Variants in MSRB3 observed in about 807,000 individuals in gnomAD.
MSRB3 encodes the protein methionine-R-sulfoxide reductase B3.
Under a neutral mutation model 21.0 loss-of-function variants are expected in MSRB3, and 13 were observed. That is an observed-to-expected ratio of 0.62 (90% CI 0.40 to 0.98). MSRB3 has a LOEUF of 0.98. Among genes scored for constraint, MSRB3 ranks in the 50% least tolerant of loss-of-function variants. The pLI, the probability that MSRB3 is intolerant of heterozygous loss-of-function variation, is 0.00. For missense variants in MSRB3, 199 were observed against 230.3 expected (o/e 0.86, Z 0.88); for synonymous variants, 87 against 88.6 (o/e 0.98, Z 0.10).
At chr12:65,460,951 C>A (rs998426377) in intron 6 of MSRB3, among the ~76,000 whole-genome samples, 2 of 152,040 alleles carry the variant, frequency 1.3e-5, no homozygotes, top group Non-Finnish European at 2.9e-5. Flanking sequence ...TCAAATATAT[C>A]CTCACTATGC....
intron 2 of MSRB3, among the ~76,000 whole-genome samples, chr12:65,317,557 A>T (rs552952839): frequency 1.3e-5 from 2 of 152,224 alleles, no homozygotes; most frequent in African/African-American, 4.8e-5. Flanking sequence ...ATAACATGTT[A>T]GCATTTTTTT....
intron 5 of MSRB3, among the ~76,000 whole-genome samples, chr12:65,447,717 T>A (rs1172436647): frequency 6.6e-6 from 1 of 152,124 alleles, no homozygotes; most frequent in Non-Finnish European, 1.5e-5. Context: ...TCTGCTGTAA[T>A]CGTTAGAGAA....
At chr12:65,360,179 G>GT (rs1877621510) in intron 4 of MSRB3, among the ~76,000 whole-genome samples, 1 of 152,042 alleles carries the variant, frequency 6.6e-6, no homozygotes, top group African/African-American at 2.4e-5. Context: ...CTTTAAAAAT[G>GT]TTTTTTCCAA....
intron 5 of MSRB3, among the ~76,000 whole-genome samples, chr12:65,387,960 T>C (rs1474524831): frequency 6.6e-6 from 1 of 152,168 alleles, no homozygotes; most frequent in Non-Finnish European, 1.5e-5. Flanking sequence ...ACAAAGAGTA[T>C]AAAAATATGA....
chr12:65,307,205 A>G (rs1592508524), intron 1 of MSRB3, among the ~76,000 whole-genome samples: 1 of 152,090 alleles, frequency 6.6e-6, no homozygotes, highest in Non-Finnish European at 1.5e-5. Flanking sequence ...TGACATGTTT[A>G]TTTATGTTTA....
At chr12:65,308,113 G>A (rs1431057646) in intron 1 of MSRB3, among the ~76,000 whole-genome samples, 4 of 152,126 alleles carry the variant, frequency 2.6e-5, no homozygotes. Flanking sequence ...GGACTTTTGA[G>A]TCACAGTTTC....
chr12:65,348,676 G>A (rs981245280), intron 4 of MSRB3, among the ~76,000 whole-genome samples: 3 of 152,146 alleles, frequency 2.0e-5, no homozygotes, highest in East Asian at 3.9e-4. Context: ...TAATTGTGAC[G>A]TTAGGGTGTC....
In MSRB3 at chr12:65,341,405, G is replaced by T. The variant is rs1207691805; in HGVS notation, c.263+12802G>T. Among the ~76,000 whole-genome samples, 3 of 152,050 alleles carry T rather than the reference G, an allele frequency of 2.0e-5. No individual in the cohort carries two copies. In the South Asian group the frequency reaches 6.2e-4, roughly 32 times the overall value. ...AGAGAGTAGAAGGATGGTTACCAGA[G>T]GCTGGAACAGTTGGGGGGAAGGGAG... is the stretch of plus-strand genomic sequence containing the variant. On this transcript the variant is annotated intron_variant, in intron 4 of 6. Transcript: ENST00000308259.
intron 5 of MSRB3, among the ~76,000 whole-genome samples, chr12:65,375,491 G>C (rs1292209289): frequency 6.6e-6 from 1 of 152,048 alleles, no homozygotes; most frequent in Non-Finnish European, 1.5e-5. Context: ...AGGCTGGAGT[G>C]CTGTGGCACG....
chr12:65,463,036 C>T, intron 6 of MSRB3, 119 bp from the exon 7 acceptor site: 1 of 1,230,878 alleles, frequency 8.1e-7, no homozygotes, highest in South Asian at 1.2e-5. Flanking sequence ...AGAAATCATC[C>T]ACGATGGTTT....
chr12:65,328,651 C>A, intron 4 of MSRB3, 48 bp downstream of exon 4: 3 of 1,214,622 alleles, frequency 2.5e-6, no homozygotes, highest in Non-Finnish European at 2.4e-6. Flanking sequence ...TAGATGGCAG[C>A]AAACTAGTTA....
chr12:65,312,019 A>C (rs1271349938), intron 2 of MSRB3, among the ~76,000 whole-genome samples: 1 of 151,884 alleles, frequency 6.6e-6, no homozygotes, highest in African/African-American at 2.4e-5. Flanking sequence ...TTTCTTCTTA[A>C]TTTCTTACAA....
intron 4 of MSRB3, among the ~76,000 whole-genome samples, chr12:65,356,283 T>C (rs1431541050): frequency 6.6e-6 from 1 of 151,926 alleles, no homozygotes; most frequent in African/African-American, 2.4e-5. Flanking sequence ...ATAATAGTTT[T>C]AATAAGTTCA....
chr12:65,463,570 T>C lies in MSRB3; in HGVS notation c.*248T>C. ...GTGAAACTTCTTCACAAGCCACTTA[T>C]ACCCTTTGGCATTCTTTTCTTTGAG... is the stretch of plus-strand genomic sequence containing the variant. On this transcript the variant is annotated 3_prime_UTR_variant, in exon 7 of 7. Coordinates refer to ENST00000308259, the MANE Select transcript of MSRB3 (RefSeq NM_001031679.3). 2.1e-6 allele frequency: 1 copy of C among 483,260 alleles called. No individual in the cohort carries two copies. The highest frequency in any genetic ancestry group is 3.7e-6 in the Non-Finnish European group (1 of 270,080). 29.9% of individuals were successfully genotyped at this position (483,260 alleles called of 1,614,324 possible).
chr12:65,333,034 C>T (rs1368389126), intron 4 of MSRB3, among the ~76,000 whole-genome samples: 1 of 152,120 alleles, frequency 6.6e-6, no homozygotes, highest in African/African-American at 2.4e-5. Flanking sequence ...AATGTTTTCT[C>T]TTCTGGTTAT....
chr12:65,337,335 G>A (rs1875842359), intron 4 of MSRB3, among the ~76,000 whole-genome samples: 1 of 150,336 alleles, frequency 6.7e-6, no homozygotes, highest in South Asian at 2.1e-4. Context: ...TTGGGAGGCT[G>A]AGGCAGGAGA....
At chr12:65,337,545 C>G (rs1298961116) in intron 4 of MSRB3, among the ~76,000 whole-genome samples, 1 of 145,342 alleles carries the variant, frequency 6.9e-6, no homozygotes, top group Non-Finnish European at 1.5e-5. Flanking sequence ...GTGAGAATAA[C>G]ATCAACTGTT....
At chr12:65,416,321 A>T (rs1880970634) in intron 5 of MSRB3, among the ~76,000 whole-genome samples, 1 of 152,190 alleles carries the variant, frequency 6.6e-6, no homozygotes, top group Admixed American at 6.5e-5. Flanking sequence ...TTGTGATTCT[A>T]TCTCCTCGTT....
chr12:65,330,806 A>G (rs1281614644), intron 4 of MSRB3, among the ~76,000 whole-genome samples: 2 of 152,218 alleles, frequency 1.3e-5, no homozygotes, highest in African/African-American at 2.4e-5. Context: ...CTCCTGGCAC[A>G]GCACAGTCCA....
Sources: gnomAD v4.1 joint callset for allele counts (sites outside exome capture counted in the v4.1 genomes callset) on GRCh38, gnomAD v4.1.1 for gene constraint, MANE v1.5 for transcripts, NCBI Gene and HGNC (gene_info 2026-07-23, HGNC 2026-07-21) for gene names.